Variants in SAMD4A observed in about 807,000 individuals in gnomAD.
The protein encoded by SAMD4A is protein Smaug homolog 1.
Under a neutral mutation model 81.3 loss-of-function variants are expected in SAMD4A, and 33 were observed. That is an observed-to-expected ratio of 0.41 (90% CI 0.31 to 0.54). SAMD4A has a LOEUF of 0.54. Among genes scored for constraint, SAMD4A ranks in the 20% least tolerant of loss-of-function variants. SAMD4A has a pLI of 0.37. For synonymous variants in SAMD4A, 389 were observed against 382.1 expected (o/e 1.02, Z -0.21); for missense variants, 854 against 951.1 (o/e 0.90, Z 1.34).
chr14:54,773,246 C>T (rs187099157), intron 9 of SAMD4A, among the ~76,000 whole-genome samples: 30 of 152,276 alleles, frequency 2.0e-4, no homozygotes, highest in African/African-American at 6.7e-4. Flanking sequence ...GATGCCCCTC[C>T]CCCTACATAC....
chr14:54,630,067 C>T (rs745875332), intron 2 of SAMD4A, among the ~76,000 whole-genome samples: 16 of 152,002 alleles, frequency 1.1e-4, no homozygotes, highest in Non-Finnish European at 2.4e-4. Context: ...TTTTGTTTAC[C>T]CACTCATCTA....
chr14:54,620,483 G>A (rs934761686), intron 2 of SAMD4A, among the ~76,000 whole-genome samples: 2 of 152,134 alleles, frequency 1.3e-5, no homozygotes, highest in Non-Finnish European at 2.9e-5. Context: ...CCGCTCACAT[G>A]GCTGTAGACC....
At chr14:54,631,377 C>A (rs556013099) in intron 2 of SAMD4A, among the ~76,000 whole-genome samples, 1 of 152,316 alleles carries the variant, frequency 6.6e-6, no homozygotes, top group Admixed American at 6.5e-5. Context: ...ATAAAACTAA[C>A]AATCACACAG....
chr14:54,580,021 A>G (rs2033418901), intron 2 of SAMD4A, among the ~76,000 whole-genome samples: 1 of 152,210 alleles, frequency 6.6e-6, no homozygotes. Flanking sequence ...AGTGAGTTGT[A>G]TTTATTTCAT....
chr14:54,762,849 G>A (rs1426729264), intron 7 of SAMD4A, among the ~76,000 whole-genome samples: 4 of 146,474 alleles, frequency 2.7e-5, no homozygotes, highest in African/African-American at 1.0e-4. Flanking sequence ...ATAAGCACAT[G>A]AATATTCACT....
chr14:54,690,323 CAT>C (rs1174658606), intron 2 of SAMD4A, among the ~76,000 whole-genome samples: 9 of 152,088 alleles, frequency 5.9e-5, no homozygotes, highest in Non-Finnish European at 4.4e-5. Context: ...GTGTCCAAGA[CAT>C]ATCTACAGCA....
chr14:54,734,086 T>C (rs1048096659), intron 3 of SAMD4A, among the ~76,000 whole-genome samples: 1 of 152,238 alleles, frequency 6.6e-6, no homozygotes, highest in African/African-American at 2.4e-5. Context: ...ATCAGCTTTG[T>C]GGTCACCATT....
chr14:54,721,418 C>T (rs2037259569), intron 3 of SAMD4A, among the ~76,000 whole-genome samples: 1 of 152,110 alleles, frequency 6.6e-6, no homozygotes, highest in Non-Finnish European at 1.5e-5. Flanking sequence ...CTACTTAGAG[C>T]CATTGATTTT....
At chr14:54,776,062 T>G (rs1223828192) in intron 10 of SAMD4A, among the ~76,000 whole-genome samples, 1 of 150,136 alleles carries the variant, frequency 6.7e-6, no homozygotes, top group Admixed American at 6.6e-5. Flanking sequence ...TGAAATAGTT[T>G]GTGCTCTTCG....
chr14:54,660,000 G>A (rs2035603605), intron 2 of SAMD4A, among the ~76,000 whole-genome samples: 1 of 151,962 alleles, frequency 6.6e-6, no homozygotes, highest in Non-Finnish European at 1.5e-5. Context: ...AAAATTGCGT[G>A]AACCCGGGAG....
Position 54,694,856 on chromosome 14 carries a change from T to C in SAMD4A, c.197-7206T>C, listed in dbSNP as rs963817596. On this transcript the variant is annotated intron_variant, in intron 2 of 12. Transcript: ENST00000554335. ...GTCCTGGAGCACCCAGCTGTGCCGG[T>C]ACCTGGGGAAAAAGTAACTACAGAT... 6.1e-6 allele frequency: 6 copies of C among 985,394 alleles called. No individual in the cohort carries two copies. In the African/African-American group the frequency reaches 7.0e-5, roughly 11 times the overall value. The allele number at this position is 985,394 out of a possible 1,614,324, so 61.0% of individuals were successfully genotyped here.
intron 3 of SAMD4A, among the ~76,000 whole-genome samples, chr14:54,728,089 A>G (rs180831234): frequency 6.6e-6 from 1 of 152,352 alleles, no homozygotes; most frequent in East Asian, 1.9e-4. Flanking sequence ...GAATTATGCC[A>G]GGAACCTCGA....
At chr14:54,739,450 A>G (rs1320345777) in intron 4 of SAMD4A, among the ~76,000 whole-genome samples, 2 of 151,858 alleles carry the variant, frequency 1.3e-5, no homozygotes, top group East Asian at 3.9e-4. Flanking sequence ...GACCTATTGA[A>G]CTTCCCTTCT....
intron 2 of SAMD4A, among the ~76,000 whole-genome samples, chr14:54,616,220 T>A (rs1022229383): frequency 6.6e-6 from 1 of 152,242 alleles, no homozygotes; most frequent in Non-Finnish European, 1.5e-5. Flanking sequence ...TCTTTATTGT[T>A]CTCTTTAAAA....
intron 2 of SAMD4A, among the ~76,000 whole-genome samples, chr14:54,691,436 T>C (rs946132026): frequency 6.6e-6 from 1 of 151,388 alleles, no homozygotes; most frequent in East Asian, 2.0e-4. Context: ...GGAAATGGCC[T>C]CAGCCATTCT....
At chr14:54,733,248 T>C (rs1485821272) in intron 3 of SAMD4A, among the ~76,000 whole-genome samples, 1 of 152,228 alleles carries the variant, frequency 6.6e-6, no homozygotes, top group African/African-American at 2.4e-5. Flanking sequence ...TACCTAATAC[T>C]TATTATTTAC....
At chr14:54,654,112 G>A (rs374548267) in intron 2 of SAMD4A, among the ~76,000 whole-genome samples, 19 of 152,312 alleles carry the variant, frequency 1.2e-4, no homozygotes, top group African/African-American at 4.6e-4. Flanking sequence ...GCTCCAAGTC[G>A]TTTCAGTTGA....
chr14:54,737,370 G>T (rs1356745800), intron 4 of SAMD4A, 83 bp downstream of exon 4: 15 of 1,536,128 alleles, frequency 9.8e-6, no homozygotes, highest in Non-Finnish European at 1.3e-5. Context: ...GAGGTAGTCA[G>T]CAAGAGAGAA....
intron 3 of SAMD4A, among the ~76,000 whole-genome samples, chr14:54,716,670 A>G (rs2037126138): frequency 6.6e-6 from 1 of 152,218 alleles, no homozygotes; most frequent in South Asian, 2.1e-4. Context: ...CAAAGTGAAT[A>G]TAAAGTATTG....
Sources: gnomAD v4.1 joint callset for allele counts (sites outside exome capture counted in the v4.1 genomes callset) on GRCh38, gnomAD v4.1.1 for gene constraint, MANE v1.5 for transcripts, NCBI Gene and HGNC (gene_info 2026-07-23, HGNC 2026-07-21) for gene names.